PRCC: variants seen among roughly 807,000 people sequenced by gnomAD.
PRCC encodes the protein proline rich mitotic checkpoint control factor.
Under a neutral mutation model 44.0 loss-of-function variants are expected in PRCC, and 10 were observed. The observed-to-expected ratio is 0.23, with a 90% confidence interval of 0.14 to 0.39. The LOEUF is 0.39. Ranked by LOEUF, PRCC falls within the 10% of genes least tolerant of loss-of-function variation. The pLI is 1.00. For missense variants in PRCC, 573 were observed against 624.7 expected (o/e 0.92, Z 0.88); for synonymous variants, 278 against 259.5 (o/e 1.07, Z -0.69).
intron 4 of PRCC, among the ~76,000 whole-genome samples, chr1:156,792,236 G>A (rs1442278584): frequency 6.6e-6 from 1 of 151,566 alleles, no homozygotes; most frequent in Admixed American, 6.6e-5. Flanking sequence ...GCCATCCCTA[G>A]GCTGTGGCCT....
intron 5 of PRCC, 42 bp from the exon 6 acceptor site, chr1:156,797,234 T>C: frequency 6.2e-7 from 1 of 1,612,916 alleles, no homozygotes; most frequent in Non-Finnish European, 8.5e-7. Context: ...AAACTTCTGC[T>C]TTCATCCTGT....
At chr1:156,781,523 C>T (rs150922355) in intron 1 of PRCC, among the ~76,000 whole-genome samples, 4 of 152,292 alleles carry the variant, frequency 2.6e-5, no homozygotes, top group African/African-American at 7.2e-5. Context: ...ATTCATATGC[C>T]TTGCGGCTCT....
intron 4 of PRCC, among the ~76,000 whole-genome samples, chr1:156,793,815 A>G (rs1444794996): frequency 1.3e-5 from 2 of 151,418 alleles, no homozygotes; most frequent in African/African-American, 4.9e-5. Context: ...TTTTATAGAG[A>G]TGGGGTCTCA....
intron 1 of PRCC, among the ~76,000 whole-genome samples, chr1:156,769,597 T>A (rs781431375): frequency 5.9e-5 from 9 of 152,114 alleles, no homozygotes; most frequent in Admixed American, 2.6e-4. Context: ...TTTTTAAATT[T>A]TTTTTATTTT....
intron 2 of PRCC, among the ~76,000 whole-genome samples, chr1:156,783,754 T>TA (rs1394958287): frequency 2.7e-5 from 4 of 150,262 alleles, no homozygotes; most frequent in East Asian, 2.0e-4. Flanking sequence ...AAAAAAAACA[T>TA]AAAAAAATAC....
At chr1:156,774,427 G>T (rs1423767112) in intron 1 of PRCC, among the ~76,000 whole-genome samples, 2 of 151,038 alleles carry the variant, frequency 1.3e-5, no homozygotes, top group African/African-American at 4.9e-5. Flanking sequence ...CCCGTCTCGG[G>T]CTCCCAAAGT....
chr1:156,769,598 T>C (rs56036625), intron 1 of PRCC, among the ~76,000 whole-genome samples: 9 of 152,150 alleles, frequency 5.9e-5, no homozygotes, highest in African/African-American at 2.2e-4. Context: ...TTTTAAATTT[T>C]TTTTATTTTT....
intron 2 of PRCC, 64 bp downstream of exon 2, chr1:156,782,393 T>A (rs941207089): frequency 7.0e-7 from 1 of 1,433,878 alleles, no homozygotes; most frequent in Non-Finnish European, 9.7e-7. Flanking sequence ...AGACAGGACT[T>A]ACAGTATCCA....
intron 4 of PRCC, among the ~76,000 whole-genome samples, chr1:156,793,011 A>C (rs1270156762): frequency 6.6e-6 from 1 of 152,172 alleles, no homozygotes; most frequent in Non-Finnish European, 1.5e-5. Context: ...TCAGGATATA[A>C]AGTACTGTTC....
chr1:156,793,940 T>C (rs1396450435), intron 4 of PRCC, among the ~76,000 whole-genome samples: 2 of 141,184 alleles, frequency 1.4e-5, no homozygotes, highest in Non-Finnish European at 3.0e-5. Flanking sequence ...TCTATATTCT[T>C]TTTTTCTTTC....
chr1:156,794,779 G>A lies in PRCC; in HGVS notation c.1294G>A (p.Glu432Lys), dbSNP rs374305368. ...GCAATGGATGACTAAGTCATTGACA[G>A]AAGAGAAAACCATGAAGTCATTCAG... Reference protein sequence around the residue: ...AQQWMTKSLTEEKTMKSFSKK... With the variant: ...AQQWMTKSLTKEKTMKSFSKK... The change falls in exon 5 of 7, where the codon GAA becomes AAA. Residue 432 changes from glutamate (E) to lysine (K), a missense_variant. Physicochemically the swap from Glu to Lys is moderately conservative, Grantham distance 56. This residue lies in a region of PRCC where 69 missense variants were observed against 139.3 expected (regional missense o/e 0.50). Transcript: ENST00000271526. 53 of 1,614,108 alleles carry A rather than the reference G, an allele frequency of 3.3e-5. No individual in the cohort carries two copies. The highest frequency in any genetic ancestry group is 4.2e-5 in the Non-Finnish European group (50 of 1,180,048).
chr1:156,782,779 C>G (rs1037259377), intron 2 of PRCC, among the ~76,000 whole-genome samples: 2 of 152,146 alleles, frequency 1.3e-5, no homozygotes, highest in African/African-American at 4.8e-5. Flanking sequence ...TGATTTCATC[C>G]TCATGATAGT....
chr1:156,793,826 CTT>C (rs1466308756), intron 4 of PRCC, among the ~76,000 whole-genome samples: 2 of 151,800 alleles, frequency 1.3e-5, no homozygotes, highest in African/African-American at 4.8e-5. Context: ...TGGGGTCTCA[CTT>C]TATTGCCCAG....
At position 156,792,734 on chromosome 1, in the gene PRCC, C is replaced by A. The variant is rs141462217; in HGVS notation, c.1179+942C>A. On this transcript the variant is annotated intron_variant, in intron 4 of 6. Transcript: ENST00000271526. ...CCTCCCAAAGTGCTGGGATTACAGGCGTGAGCCACTGCATCTAGCCGGCCA... is the reference window on the plus strand; with the variant it reads ...CCTCCCAAAGTGCTGGGATTACAGGAGTGAGCCACTGCATCTAGCCGGCCA... Among the ~76,000 whole-genome samples the A allele has an allele frequency of 9.7e-4, 148 of 152,226 alleles. 1 individual carries two copies. Among genetic ancestry groups the A allele is most frequent in the Middle Eastern group, 3.4e-3 (1 of 294 alleles).
chr1:156,792,053 C>CTTGTTTTTTTTTTTTTTT (rs1652498037), intron 4 of PRCC, among the ~76,000 whole-genome samples: 1 of 58,408 alleles, frequency 1.7e-5, no homozygotes, highest in Non-Finnish European at 3.3e-5. Flanking sequence ...TAGTCCCCTT[C>CTTGTTTTTTTTTTTTTTT]TTTTTTTTTT....
In PRCC at chr1:156,800,781, G is replaced by T; in HGVS notation, c.*321G>T. 1 of 286,410 alleles carries T rather than the reference G, an allele frequency of 3.5e-6. No homozygotes were observed. The highest frequency in any genetic ancestry group is 6.7e-6 in the Non-Finnish European group (1 of 150,288). The allele number at this position is 286,410 out of a possible 1,614,324, so 17.7% of individuals were successfully genotyped here. On this transcript the variant is annotated 3_prime_UTR_variant, in exon 7 of 7. Coordinates refer to ENST00000271526, the MANE Select transcript of PRCC (RefSeq NM_005973.5). ...ACCACTTTTTTTTTTTTAAACCAGG[G>T]ATGTCTGTTGAAATAAAACATTCAG...
chr1:156,789,606 G>T (rs1652406326), intron 3 of PRCC, among the ~76,000 whole-genome samples: 2 of 152,112 alleles, frequency 1.3e-5, no homozygotes, highest in Non-Finnish European at 2.9e-5. Flanking sequence ...TGAGTGTAAA[G>T]TAAGAATAAA....
chr1:156,770,170 C>A (rs1651577739), intron 1 of PRCC, among the ~76,000 whole-genome samples: 1 of 152,220 alleles, frequency 6.6e-6, no homozygotes, highest in African/African-American at 2.4e-5. Flanking sequence ...TGGCAGAAAA[C>A]TCTGAAGACT....
chr1:156,778,157 G>T (rs12049360), intron 1 of PRCC, among the ~76,000 whole-genome samples: 148,569 of 152,288 alleles, frequency 0.98, 72,572 homozygotes, highest in East Asian at 1. Context: ...ACCCTCAGAC[G>T]TATTCTTCCT....
Sources: gnomAD v4.1 joint callset for allele counts (sites outside exome capture counted in the v4.1 genomes callset) on GRCh38, gnomAD v4.1.1 for gene constraint, gnomAD v4.1.1 regional missense constraint, MANE v1.5 for transcripts, NCBI Gene and HGNC (gene_info 2026-07-23, HGNC 2026-07-21) for gene names.